Variants in RREB1 observed in about 807,000 individuals in gnomAD.
The protein encoded by RREB1 is ras-responsive element-binding protein 1.
A neutral mutation model predicts 117.8 loss-of-function variants in RREB1; 27 were observed. The observed-to-expected ratio is 0.23, with a 90% CI of 0.17 to 0.32. RREB1 has a LOEUF of 0.32. Among genes scored for constraint, RREB1 ranks in the 10% least tolerant of loss-of-function variants. The pLI is 1.00. For synonymous variants in RREB1, 1,298 were observed against 1,026.7 expected, an observed-to-expected ratio of 1.26 and a Z score of -5.05; for missense variants, 2,577 against 2,378.2, an observed-to-expected ratio of 1.08 and a Z score of -1.74.
intron 1 of RREB1, among the ~76,000 whole-genome samples, chr6:7,170,737 A>G (rs527822828): frequency 6.6e-6 from 1 of 152,312 alleles, no homozygotes; most frequent in Non-Finnish European, 1.5e-5. Flanking sequence ...AGCCAGAGTT[A>G]GAAATGGGGA....
intron 1 of RREB1, among the ~76,000 whole-genome samples, chr6:7,113,049 C>T (rs533711169): frequency 9.9e-5 from 15 of 152,282 alleles, no homozygotes; most frequent in African/African-American, 3.4e-4. Context: ...GTGCTTCAGA[C>T]GAAAGCATGG....
At chr6:7,166,830 C>T (rs751589429) in intron 1 of RREB1, among the ~76,000 whole-genome samples, 3 of 152,170 alleles carry the variant, frequency 2.0e-5, no homozygotes, top group Admixed American at 6.5e-5. Context: ...TGGAGAATCC[C>T]GTTGCTGCTG....
chr6:7,221,386 A>C (rs1767247111), intron 8 of RREB1, among the ~76,000 whole-genome samples: 1 of 151,620 alleles, frequency 6.6e-6, no homozygotes, highest in Non-Finnish European at 1.5e-5. Context: ...GTTAGCCAGG[A>C]TGGTCTCGAT....
In RREB1 at chr6:7,229,641, A is replaced by T; in HGVS notation, c.1542A>T (p.Thr514=). 1.2e-6 allele frequency: 2 copies of T among 1,612,404 alleles called. No homozygotes were observed. The highest frequency in any genetic ancestry group is 1.3e-5 in the African/African-American group (1 of 74,810). Residue 514 remains threonine, a synonymous_variant, in exon 10 of 13, where the codon ACA becomes ACT. Coordinates refer to ENST00000379938, the MANE Select transcript of RREB1 (RefSeq NM_001003699.4). The surrounding 1 kb of genome is among the most constrained non-coding windows in gnomAD (Gnocchi z 4.5). ...CTCTGAAGCCAAAGCCCCTGGTCACACCACGGACGGTGGTGGCCACCTCCA... is the reference window on the plus strand; with the variant it reads ...CTCTGAAGCCAAAGCCCCTGGTCACTCCACGGACGGTGGTGGCCACCTCCA... ...MPPLKPKPLV[T]PRTVVATSTP...
chr6:7,150,829 A>G (rs1003891432), intron 1 of RREB1, among the ~76,000 whole-genome samples: 10 of 152,242 alleles, frequency 6.6e-5, no homozygotes, highest in African/African-American at 2.2e-4. Context: ...GCCTGTTGCA[A>G]TGGCGACTGC....
At chr6:7,118,224 G>A (rs752981063) in intron 1 of RREB1, among the ~76,000 whole-genome samples, 2 of 152,056 alleles carry the variant, frequency 1.3e-5, no homozygotes, top group African/African-American at 4.8e-5. Flanking sequence ...GGATTCAAGC[G>A]ATTCTCCCAC....
chr6:7,113,725 G>T (rs1468097685), intron 1 of RREB1, among the ~76,000 whole-genome samples: 1 of 152,176 alleles, frequency 6.6e-6, no homozygotes, highest in Non-Finnish European at 1.5e-5. Flanking sequence ...CCATGTGTAT[G>T]GTGTGTGGTT....
chr6:7,141,397 C>G (rs898978462), intron 1 of RREB1, among the ~76,000 whole-genome samples: 1 of 152,244 alleles, frequency 6.6e-6, no homozygotes, highest in Non-Finnish European at 1.5e-5. Context: ...CCTTTAGCAA[C>G]TCAGCTCCTT....
intron 1 of RREB1, among the ~76,000 whole-genome samples, chr6:7,174,198 G>A (rs968445030): frequency 2.3e-4 from 34 of 148,168 alleles, no homozygotes; most frequent in Admixed American, 1.3e-4. Context: ...GGTAAGGGGT[G>A]TCTTAGAGTT....
chr6:7,174,818 A>T (rs891120330), intron 1 of RREB1, among the ~76,000 whole-genome samples: 11 of 152,330 alleles, frequency 7.2e-5, no homozygotes, highest in African/African-American at 2.6e-4. Flanking sequence ...CATGTTGGCC[A>T]GGCTGGTCAC....
At chr6:7,122,054 G>A (rs1417547836) in intron 1 of RREB1, among the ~76,000 whole-genome samples, 1 of 152,084 alleles carries the variant, frequency 6.6e-6, no homozygotes, top group African/African-American at 2.4e-5. Flanking sequence ...CCTTTAAGAT[G>A]GTCTCACATG....
In RREB1 at chr6:7,221,259, C is replaced by T. The variant is rs541486147; in HGVS notation, c.708-5208C>T. Among the ~76,000 whole-genome samples, 572 of 152,050 alleles carry T rather than the reference C, an allele frequency of 3.8e-3. 1 individual carries two copies. Among genetic ancestry groups the T allele is most frequent in the Middle Eastern group, 0.017 (5 of 294 alleles). ...TCTCGGCTCACTGCAAGCTCCGCTT[C>T]CCGGGTTCACGCCATTCTCCTGCCT... On this transcript the variant is annotated intron_variant, in intron 8 of 12. Coordinates refer to ENST00000379938, the MANE Select transcript of RREB1 (RefSeq NM_001003699.4).
At chr6:7,165,206 A>G (rs1459698960) in intron 1 of RREB1, among the ~76,000 whole-genome samples, 1 of 152,194 alleles carries the variant, frequency 6.6e-6, no homozygotes, top group Non-Finnish European at 1.5e-5. Context: ...AATATTTTAA[A>G]CAAGTCAAAC....
At chr6:7,215,605 G>T (rs1383818130) in intron 8 of RREB1, 1 of 152,214 alleles carries the variant, frequency 6.6e-6, no homozygotes, top group Non-Finnish European at 1.5e-5. Flanking sequence ...CTCCCAAAGT[G>T]CTGGGATTGT....
chr6:7,201,760 T>G (rs757721195), intron 6 of RREB1, among the ~76,000 whole-genome samples: 2 of 152,162 alleles, frequency 1.3e-5, no homozygotes, highest in Non-Finnish European at 2.9e-5. Flanking sequence ...AGCACTTAAT[T>G]CTTCCTTTTC....
At chr6:7,171,104 A>G (rs1354408992) in intron 1 of RREB1, among the ~76,000 whole-genome samples, 6 of 152,194 alleles carry the variant, frequency 3.9e-5, no homozygotes, top group Non-Finnish European at 7.3e-5. Flanking sequence ...AGCTCATCAG[A>G]TAGGACTAGA....
At chr6:7,195,247 T>C (rs1765609829) in intron 6 of RREB1, among the ~76,000 whole-genome samples, 1 of 152,244 alleles carries the variant, frequency 6.6e-6, no homozygotes, top group Admixed American at 6.5e-5. Context: ...ACATTTATTA[T>C]GTCTTTGCAG....
chr6:7,165,794 T>G (rs1763901561), intron 1 of RREB1, among the ~76,000 whole-genome samples: 1 of 152,032 alleles, frequency 6.6e-6, no homozygotes, highest in African/African-American at 2.4e-5. Flanking sequence ...TATGAAAGAG[T>G]TTGAAGGAAG....
chr6:7,211,789 A>G, intron 8 of RREB1, 80 bp downstream of exon 8: 1 of 1,430,752 alleles, frequency 7.0e-7, no homozygotes, highest in Non-Finnish European at 9.7e-7. Flanking sequence ...CCGTTACTCC[A>G]CACCGGGCTC....
Sources: gnomAD v4.1 joint callset for allele counts (sites outside exome capture counted in the v4.1 genomes callset) on GRCh38, gnomAD v4.1.1 for gene constraint, Gnocchi (gnomAD v3.1) non-coding constraint, MANE v1.5 for transcripts, NCBI Gene and HGNC (gene_info 2026-07-23, HGNC 2026-07-21) for gene names.